Variants in HP1BP3 observed in about 807,000 individuals in gnomAD.
HP1BP3 encodes heterochromatin protein 1-binding protein 3.
Under a neutral mutation model 62.5 loss-of-function variants are expected in HP1BP3, and 12 were observed. The observed-to-expected ratio is 0.19, with a 90% confidence interval of 0.12 to 0.31. The LOEUF is 0.31. HP1BP3 is among the 10% of genes least tolerant of loss of function. The probability of loss-of-function intolerance (pLI) is 1.00; values close to 1 mark genes in which losing one functional copy is unlikely to be tolerated. For missense variants in HP1BP3, 502 were observed against 651.8 expected (o/e 0.77, Z 2.50); for synonymous variants, 260 against 237.8 (o/e 1.09, Z -0.86).
At position 20,766,349 on chromosome 1, in the gene HP1BP3, C is replaced by T. The variant is rs556312614; in HGVS notation, c.736-818G>A. ...AAAAAGGAGTGTAGATTTTAAAGGT[C>T]CTAATTTATGAAGTACAGCACCAGA... is the stretch of plus-strand genomic sequence containing the variant. On this transcript the variant is annotated intron_variant, in intron 7 of 12. Coordinates refer to ENST00000438032, the MANE Select transcript of HP1BP3 (RefSeq NM_001372052.1). Among the ~76,000 whole-genome samples the T allele has an allele frequency of 5.9e-5, 9 of 151,556 alleles. No homozygotes were observed. In the South Asian group the frequency reaches 1.2e-3, roughly 21 times the overall value.
At chr1:20,754,040 A>G (rs148885975) in intron 9 of HP1BP3, among the ~76,000 whole-genome samples, 1 of 152,330 alleles carries the variant, frequency 6.6e-6, no homozygotes, top group East Asian at 1.9e-4. Context: ...GAAGTAAAAG[A>G]CATCCAGACT....
At chr1:20,758,833 T>G (rs1343399422) in intron 8 of HP1BP3, among the ~76,000 whole-genome samples, 1 of 151,590 alleles carries the variant, frequency 6.6e-6, no homozygotes, top group Non-Finnish European at 1.5e-5. Flanking sequence ...ATTTTTTTTT[T>G]GTACAGAGGG....
chr1:20,786,324 G>T (rs907081572), intron 1 of HP1BP3: 5 of 152,318 alleles, frequency 3.3e-5, no homozygotes, highest in Non-Finnish European at 7.3e-5. Context: ...CCCACCGGGG[G>T]AGCGAGACTC....
At chr1:20,757,919 G>A (rs926463547) in intron 8 of HP1BP3, among the ~76,000 whole-genome samples, 2 of 152,068 alleles carry the variant, frequency 1.3e-5, no homozygotes, top group African/African-American at 4.8e-5. Flanking sequence ...GCCGAGGCGG[G>A]TGGATCACGA....
chr1:20,771,166 G>A (rs547307094), intron 5 of HP1BP3, 93 bp from the exon 6 acceptor site: 15 of 1,050,940 alleles, frequency 1.4e-5, no homozygotes, highest in Middle Eastern at 2.1e-4. Flanking sequence ...TGAATTTGAT[G>A]ATAGATGACA....
intron 8 of HP1BP3, among the ~76,000 whole-genome samples, chr1:20,759,434 TG>T (rs1443330889): frequency 5.3e-5 from 8 of 152,234 alleles, no homozygotes; most frequent in African/African-American, 1.9e-4. Context: ...TTAAGTATGA[TG>T]GTTAATGTTC....
intron 1 of HP1BP3, among the ~76,000 whole-genome samples, chr1:20,782,904 AAAAG>A (rs2057633090): frequency 1.7e-5 from 2 of 114,676 alleles, no homozygotes; most frequent in Non-Finnish European, 3.6e-5. Context: ...CTTCTCAAAA[AAAAG>A]AAAAAAAAAA....
intron 11 of HP1BP3, among the ~76,000 whole-genome samples, chr1:20,746,186 A>ATATGTGTGTGTGTGTATGTGTG (rs1286650893): frequency 7.0e-6 from 1 of 143,148 alleles, no homozygotes; most frequent in African/African-American, 2.7e-5. Context: ...ACATACATAT[A>ATATGTGTGTGTGTGTATGTGTG]TGTGTGTGTG....
At chr1:20,747,445 T>G in intron 11 of HP1BP3, 99 bp downstream of exon 11, 1 of 765,578 alleles carries the variant, frequency 1.3e-6, no homozygotes, top group Non-Finnish European at 2.1e-6. Flanking sequence ...CGACTGTATT[T>G]CCAGTTCACT....
In HP1BP3 at chr1:20,741,413, G is replaced by A. The variant is rs2055079144; in HGVS notation, c.*3384C>T. On this transcript the variant is annotated 3_prime_UTR_variant, in exon 13 of 13. Transcript: ENST00000438032. ...TAACAAAATTTGGAAAAACAGCAAT[G>A]ATGAAAAAACAAATGTCAAAAGGTG... Among the ~76,000 whole-genome samples, 1 of 152,118 alleles carries A rather than the reference G, an allele frequency of 6.6e-6. No homozygotes were observed. The highest frequency in any genetic ancestry group is 2.4e-5 in the African/African-American group (1 of 41,422).
Position 20,765,368 on chromosome 1 carries a change from G to A in HP1BP3, c.890+9C>T, listed in dbSNP as rs1985278. 7.5e-4 allele frequency: 1,176 copies of A among 1,564,542 alleles called. No individual in the cohort carries two copies. The highest frequency in any genetic ancestry group is 9.5e-4 in the Non-Finnish European group (1,096 of 1,157,436). ...ATCATGTTTTAAAGGCCAGGCCAAT[G>A]GCTCATACCTGATGTCCACTCTAAG... On this transcript the variant is annotated intron_variant, in intron 8 of 12. Transcript: ENST00000438032.
At chr1:20,763,121 G>C (rs1468997771) in intron 8 of HP1BP3, among the ~76,000 whole-genome samples, 2 of 152,026 alleles carry the variant, frequency 1.3e-5, no homozygotes, top group African/African-American at 4.8e-5. Context: ...TTTGCCATGT[G>C]ATACGATAGC....
rs141571358 is a variant in HP1BP3 at position 20,747,633 on chromosome 1, C to T, written c.1164G>A (p.Leu388=). The change falls in exon 11 of 13, where the codon CTG becomes CTA. Residue 388 remains leucine, a synonymous_variant. Coordinates refer to ENST00000438032, the MANE Select transcript of HP1BP3 (RefSeq NM_001372052.1). The stretch of plus-strand genomic sequence containing the variant: ...TCCACCCATTCTTTTCGCATTTCTG[C>T]AGGGTTTTTTTCAGCAAATGCACTG... The part of the protein sequence containing the change: ...NYQMHLLKKT[L]QKCEKNGWME... The T allele has an allele frequency of 1.2e-6, 2 of 1,612,254 alleles. No individual in the cohort carries two copies. Among genetic ancestry groups the T allele is most frequent in the African/African-American group, 2.7e-5 (2 of 74,730 alleles).
Position 20,776,694 on chromosome 1 carries a change from T to C in HP1BP3, c.253A>G (p.Thr85Ala). 1.9e-6 allele frequency: 3 copies of C among 1,613,928 alleles called. No homozygotes were observed. The highest frequency in any genetic ancestry group is 2.5e-6 in the Non-Finnish European group (3 of 1,179,894). The stretch of plus-strand genomic sequence containing the variant: ...GCCTCACTCGAAGTAGCAGGTGGAG[T>C]TTCATTCTCTTGTTCTTCTACAGTG... ...VSTVEEQENE[T>A]PPATSSEAEQ... Residue 85 changes from threonine to alanine, a missense_variant, in exon 4 of 13, where the codon ACT becomes GCT. By Grantham distance (58) the Thr-to-Ala change is moderately conservative. Transcript: ENST00000438032.
chr1:20,765,062 G>A (rs1239092611), intron 8 of HP1BP3, among the ~76,000 whole-genome samples: 8 of 150,108 alleles, frequency 5.3e-5, no homozygotes, highest in African/African-American at 7.4e-5. Flanking sequence ...GCAGCTACCC[G>A]GGAGGCGGAG....
intron 1 of HP1BP3, among the ~76,000 whole-genome samples, chr1:20,781,872 C>T (rs893576716): frequency 2.6e-5 from 4 of 152,164 alleles, no homozygotes; most frequent in East Asian, 1.9e-4. Flanking sequence ...ATGATCTGCC[C>T]GCCTCAGCCT....
In HP1BP3 at chr1:20,742,252, T is replaced by C. The variant is rs2055103440; in HGVS notation, c.*2545A>G. 6.6e-6 allele frequency among the ~76,000 whole-genome samples: 1 copy of C among 152,172 alleles called. No individual in the cohort carries two copies. The highest frequency in any genetic ancestry group is 1.5e-5 in the Non-Finnish European group (1 of 68,018). On this transcript the variant is annotated 3_prime_UTR_variant, in exon 13 of 13. Coordinates refer to ENST00000438032, the MANE Select transcript of HP1BP3 (RefSeq NM_001372052.1). ...TCTGAGCACAGGTACCTAACATCCA[T>C]ACTATTAAGAATCATTACTTGCTAG... is the stretch of plus-strand genomic sequence containing the variant.
At position 20,740,458 on chromosome 1, in the gene HP1BP3, C is replaced by T. The variant is rs903930218; in HGVS notation, c.*4339G>A. On this transcript the variant is annotated 3_prime_UTR_variant, in exon 13 of 13. Transcript: ENST00000438032. ...AGTTAAAAAGCTGATAAAATTAAAT[C>T]ATCAAAGGTAGAAAGTTTTCCAACA... Among the ~76,000 whole-genome samples, 3 of 152,170 alleles carry T rather than the reference C, an allele frequency of 2.0e-5. No individual in the cohort carries two copies. The highest frequency in any genetic ancestry group is 1.9e-4 in the East Asian group (1 of 5,202).
At chr1:20,784,697 C>G (rs2057738754) in intron 1 of HP1BP3, among the ~76,000 whole-genome samples, 1 of 152,028 alleles carries the variant, frequency 6.6e-6, no homozygotes, top group African/African-American at 2.4e-5. Context: ...AGGATGGTCT[C>G]GATCTCCTGA....
Sources: allele counts gnomAD v4.1 joint callset (sites outside exome capture counted in the v4.1 genomes callset), GRCh38; gene constraint gnomAD v4.1.1; transcripts MANE v1.5; gene names NCBI Gene and HGNC (gene_info 2026-07-23, HGNC 2026-07-21).